Variants in LPCAT1 observed in about 807,000 individuals in gnomAD.
LPCAT1 encodes the protein 1-acylglycerol-3-phosphate O-acyltransferase.
Under a neutral mutation model 60.9 loss-of-function variants are expected in LPCAT1, and 23 were observed. The ratio of observed to expected loss-of-function variants is 0.38; its 90% confidence interval spans 0.27 to 0.53. LPCAT1 has a LOEUF of 0.53. Among genes scored for constraint, LPCAT1 ranks in the 20% least tolerant of loss-of-function variants. The probability of loss-of-function intolerance (pLI) is 0.82; values close to 1 mark genes in which losing one functional copy is unlikely to be tolerated. For missense variants in LPCAT1, 622 were observed against 723.6 expected (o/e 0.86, Z 1.61); for synonymous variants, 340 against 301.1 (o/e 1.13, Z -1.34).
intron 3 of LPCAT1, among the ~76,000 whole-genome samples, chr5:1,490,187 TCA>T (rs759267947): frequency 6.6e-6 from 1 of 152,166 alleles, no homozygotes; most frequent in Non-Finnish European, 1.5e-5. Flanking sequence ...GACCCAGTCT[TCA>T]CAGAGGACAG....
At chr5:1,464,218 G>A (rs1734229966) in intron 13 of LPCAT1, among the ~76,000 whole-genome samples, 1 of 152,202 alleles carries the variant, frequency 6.6e-6, no homozygotes, top group Admixed American at 6.5e-5. Context: ...CTCTGAGGGG[G>A]TGCCCTCGTC....
intron 12 of LPCAT1, among the ~76,000 whole-genome samples, chr5:1,467,674 G>A (rs950171116): frequency 2.0e-5 from 3 of 151,480 alleles, no homozygotes; most frequent in South Asian, 2.1e-4. Context: ...GAAACACTTC[G>A]GCTCCCTGTG....
chr5:1,466,928 C>T (rs778638943), intron 12 of LPCAT1, 38 bp from the exon 13 acceptor site: 1 of 1,501,034 alleles, frequency 6.7e-7, no homozygotes, highest in Non-Finnish European at 8.9e-7. Flanking sequence ...CAGCCTCCTC[C>T]CCTGCCCACC....
At chr5:1,489,188 C>T (rs1735478696) in intron 4 of LPCAT1, among the ~76,000 whole-genome samples, 1 of 152,236 alleles carries the variant, frequency 6.6e-6, no homozygotes, top group African/African-American at 2.4e-5. Context: ...TCACAGCCCT[C>T]TAAGGGGCTG....
chr5:1,469,871 C>T (rs991008506), intron 12 of LPCAT1, among the ~76,000 whole-genome samples: 2 of 151,990 alleles, frequency 1.3e-5, no homozygotes, highest in Non-Finnish European at 2.9e-5. Flanking sequence ...AGATCAGGGG[C>T]CCTAGGAGGC....
Position 1,496,607 on chromosome 5 carries a change from G to C in LPCAT1, c.279-1693C>G, listed in dbSNP as rs576397214. Among the ~76,000 whole-genome samples, 1 of 152,182 alleles carries C rather than the reference G, an allele frequency of 6.6e-6. No individual in the cohort carries two copies. The highest frequency in any genetic ancestry group is 6.5e-5 in the Admixed American group (1 of 15,292). On this transcript the variant is annotated intron_variant, in intron 2 of 13. Coordinates refer to ENST00000283415, the MANE Select transcript of LPCAT1 (RefSeq NM_024830.5). This position sits in a 1 kb window ranked among gnomAD's most constrained non-coding sequence, Gnocchi z 4.7. ...GGAAAAAAGGGATTAAAACCCGGGC[G>C]GCCCTTAGAGGAACACACCTGCCAG...
rs760470508 is a variant in LPCAT1, at chr5:1,466,801, C to T, written c.1368G>A (p.Val456=). Residue 456 remains valine, a synonymous_variant, in exon 13 of 14, where the codon GTG becomes GTA. Coordinates refer to ENST00000283415, the MANE Select transcript of LPCAT1 (RefSeq NM_024830.5). ...GGTCAATGGCTCGGAATAGGTCGGT[C>T]ACGGTGAGCTCTGCCACCCCCAGGG... ...KTALGVAELT[V]TDLFRAIDQE... 5.6e-6 allele frequency: 9 copies of T among 1,613,142 alleles called. No individual in the cohort carries two copies. Among genetic ancestry groups the T allele is most frequent in the South Asian group, 5.5e-5 (5 of 90,962 alleles).
intron 1 of LPCAT1, among the ~76,000 whole-genome samples, chr5:1,514,445 G>T (rs1304605148): frequency 6.6e-6 from 1 of 152,178 alleles, no homozygotes; most frequent in African/African-American, 2.4e-5. Flanking sequence ...CCTTCGACAG[G>T]TCAGTCCTGA....
At chr5:1,484,900 C>G (rs1357834970) in intron 5 of LPCAT1, among the ~76,000 whole-genome samples, 1 of 152,232 alleles carries the variant, frequency 6.6e-6, no homozygotes, top group Non-Finnish European at 1.5e-5. Flanking sequence ...TCACCCAGCA[C>G]TTCTGTGTGC....
intron 1 of LPCAT1, among the ~76,000 whole-genome samples, chr5:1,510,414 C>T (rs1229752398): frequency 1.3e-5 from 2 of 152,238 alleles, no homozygotes; most frequent in East Asian, 1.9e-4. Context: ...ATCACCTACC[C>T]GAGGCTCTTG....
intron 13 of LPCAT1, among the ~76,000 whole-genome samples, chr5:1,465,177 AAAC>A (rs577947912): frequency 2.6e-4 from 38 of 146,720 alleles, no homozygotes; most frequent in East Asian, 1.2e-3. Flanking sequence ...CACACACACA[AAAC>A]AAGCGCACGC....
chr5:1,520,587 G>A (rs1254140034), intron 1 of LPCAT1, among the ~76,000 whole-genome samples: 3 of 152,240 alleles, frequency 2.0e-5, no homozygotes, highest in South Asian at 2.1e-4. Flanking sequence ...TGGGCCGGGC[G>A]CGGTGGTTCA....
rs1440315285 is a variant in LPCAT1 at position 1,501,575 on chromosome 5, G to A, written c.164C>T (p.Pro55Leu). Residue 55 changes from proline (P) to leucine (L), a missense_variant, in exon 2 of 14, where the codon CCG (proline) becomes CTG (leucine). By Grantham distance (98) the Pro-to-Leu change is moderately conservative. Around this residue, in one of 3 missense-constraint regions of LPCAT1, gnomAD observed 125 missense variants for 114.5 expected, o/e 1.09. Coordinates refer to ENST00000283415, the MANE Select transcript of LPCAT1 (RefSeq NM_024830.5). ...GGCAGCGGCAACCAGGAGCCGGACC[G>A]GGAAGAGCGTCAGTGTCATGAGGGC... ...QVALMTLTLF[P>L]VRLLVAAAMM... is the part of the protein sequence containing the mutation. 1 of 1,613,898 alleles carries A rather than the reference G, an allele frequency of 6.2e-7. No individual in the cohort carries two copies. The highest frequency in any genetic ancestry group is 8.5e-7 in the Non-Finnish European group (1 of 1,179,862).
Position 1,481,078 on chromosome 5 carries a change from G to C in LPCAT1, c.727-102C>G. The C allele has an allele frequency of 7.2e-7, 1 of 1,395,330 alleles. No individual in the cohort carries two copies. The highest frequency in any genetic ancestry group is 1.4e-5 in the African/African-American group (1 of 70,724). 86.4% of individuals were successfully genotyped at this position (1,395,330 alleles called of 1,614,324 possible). ...CTCTCCCTGCACCTCCCACCCCACAGAGGCGCTGCAGCCAGGGGGAAGGGA... is the reference window on the plus strand; with the variant it reads ...CTCTCCCTGCACCTCCCACCCCACACAGGCGCTGCAGCCAGGGGGAAGGGA... On this transcript the variant is annotated intron_variant, in intron 6 of 13. Coordinates refer to ENST00000283415, the MANE Select transcript of LPCAT1 (RefSeq NM_024830.5). This position sits in a 1 kb window ranked among gnomAD's most constrained non-coding sequence, Gnocchi z 7.8.
At chr5:1,508,067 G>C (rs911022202) in intron 1 of LPCAT1, among the ~76,000 whole-genome samples, 1 of 152,210 alleles carries the variant, frequency 6.6e-6, no homozygotes, top group African/African-American at 2.4e-5. Context: ...GGGGGTCCTT[G>C]GCAGACACCA....
chr5:1,473,256 A>G (rs1328317455), intron 11 of LPCAT1, among the ~76,000 whole-genome samples: 1 of 152,192 alleles, frequency 6.6e-6, no homozygotes, highest in African/African-American at 2.4e-5. Flanking sequence ...GGAGCCTTCT[A>G]CACACACCCT....
In LPCAT1 at chr5:1,523,120, G is replaced by GCCTACAGGGGAC. The variant is rs573367367; in HGVS notation, c.135+578_135+589dup. Among the ~76,000 whole-genome samples the GCCTACAGGGGAC allele has an allele frequency of 4.6e-5, 7 of 152,238 alleles. No homozygotes were observed. The highest frequency in any genetic ancestry group is 1.0e-4 in the Non-Finnish European group (7 of 68,040). On this transcript the variant is annotated intron_variant, in intron 1 of 13. Transcript: ENST00000283415. This position sits in a 1 kb window ranked among gnomAD's most constrained non-coding sequence, Gnocchi z 7.1. ...GGCCGCAGAGCAGGGAGACCCGTGC[G>GCCTACAGGGGAC]CCTACAGGGGACCCTACAGGGGACC...
chr5:1,467,154 G>T, intron 12 of LPCAT1: 1 of 371,368 alleles, frequency 2.7e-6, no homozygotes, highest in Non-Finnish European at 4.8e-6. Context: ...CACCCCACCC[G>T]TGATAGCTCA....
Position 1,483,538 on chromosome 5 carries a change from G to T in LPCAT1, c.668-52C>A. ...CCCATGGCAGCCCACGCAGGACAGC[G>T]TCTGCTGCGTTTCTCATGCTGCCCT... On this transcript the variant is annotated intron_variant, in intron 5 of 13. Transcript: ENST00000283415. This position sits in a 1 kb window ranked among gnomAD's most constrained non-coding sequence, Gnocchi z 9.2. 6.4e-7 allele frequency: 1 copy of T among 1,571,196 alleles called. No homozygotes were observed. The highest frequency in any genetic ancestry group is 8.7e-7 in the Non-Finnish European group (1 of 1,143,832).
Sources: gnomAD v4.1 joint callset for allele counts (sites outside exome capture counted in the v4.1 genomes callset) on GRCh38, gnomAD v4.1.1 for gene constraint, gnomAD v4.1.1 regional missense constraint, Gnocchi (gnomAD v3.1) non-coding constraint, MANE v1.5 for transcripts, NCBI Gene and HGNC (gene_info 2026-07-23, HGNC 2026-07-21) for gene names.